Variants in RIT1 observed in about 807,000 individuals in gnomAD.
RIT1 encodes Ras like without CAAX 1.
A neutral mutation model predicts 25.6 loss-of-function variants in RIT1; 6 were observed. The observed-to-expected ratio is 0.23, with a 90% CI of 0.13 to 0.46. RIT1 has a LOEUF of 0.46. Ranked by LOEUF, RIT1 falls within the 20% of genes least tolerant of loss-of-function variation. The pLI is 0.99. For missense variants in RIT1, 219 were observed against 284.4 expected (o/e 0.77, Z 1.65); for synonymous variants, 81 against 94.1 (o/e 0.86, Z 0.80).
chr1:155,903,563 T>C (rs921450557), intron 5 of RIT1, among the ~76,000 whole-genome samples: 8 of 152,270 alleles, frequency 5.3e-5, no homozygotes, highest in African/African-American at 1.7e-4. Context: ...CATCTAATTA[T>C]GGATATGCCA....
At chr1:155,907,240 CTTTTT>C (rs773275927) in intron 3 of RIT1, among the ~76,000 whole-genome samples, 1 of 139,072 alleles carries the variant, frequency 7.2e-6, no homozygotes, top group Non-Finnish European at 1.6e-5. Flanking sequence ...CATTCATATG[CTTTTT>C]TTTTTTTTTT....
intron 5 of RIT1, among the ~76,000 whole-genome samples, chr1:155,902,001 G>A (rs957059654): frequency 2.6e-5 from 4 of 152,064 alleles, no homozygotes; most frequent in South Asian, 2.1e-4. Flanking sequence ...ACTGATCACC[G>A]GGATTGCAAA....
rs139279681 is a variant in RIT1 at position 155,898,492 on chromosome 1, TAAAAAAAAAAAAAAAA to T, written c.*1880_*1895del. On this transcript the variant is annotated 3_prime_UTR_variant, in exon 6 of 6. Coordinates refer to ENST00000368323, the MANE Select transcript of RIT1 (RefSeq NM_006912.6). Reference sequence around the variant, plus strand: ...AACATAGTGAAACCTCATCTCTATTTAAAAAAAAAAAAAAAAAAAAAAAAAAATATATATATATATA... The same window carrying T: ...AACATAGTGAAACCTCATCTCTATTTAAAAAAAAAAATATATATATATATA... 2.9e-4 allele frequency: 10 copies of T among 34,318 alleles called. No homozygotes were observed. The highest frequency in any genetic ancestry group is 8.3e-4 in the African/African-American group (9 of 10,814). The allele number at this position is 34,318 out of a possible 1,614,324, so 2.1% of individuals were successfully genotyped here.
intron 3 of RIT1, among the ~76,000 whole-genome samples, chr1:155,906,254 G>T (rs1673437132): frequency 1.3e-5 from 2 of 151,944 alleles, no homozygotes; most frequent in South Asian, 4.1e-4. Context: ...AAAAAGCCAC[G>T]CAATATTTCA....
chr1:155,900,223 T>C lies in RIT1; in HGVS notation c.*165A>G. 3.3e-6 allele frequency: 2 copies of C among 606,654 alleles called. No individual in the cohort carries two copies. 37.6% of individuals were successfully genotyped at this position (606,654 alleles called of 1,614,324 possible). A position where few individuals can be genotyped will look rare whatever the true frequency, so the allele number is the denominator to read the frequency against. ...CTCCACTGGGTTAATAAATCATACT[T>C]AACTAAGAGACAATACTTTAAATAC... is the stretch of plus-strand genomic sequence containing the variant. On this transcript the variant is annotated 3_prime_UTR_variant, in exon 6 of 6. Coordinates refer to ENST00000368323, the MANE Select transcript of RIT1 (RefSeq NM_006912.6).
At chr1:155,906,843 C>T (rs116368781) in intron 3 of RIT1, among the ~76,000 whole-genome samples, 6 of 150,770 alleles carry the variant, frequency 4.0e-5, no homozygotes, top group Admixed American at 2.0e-4. Flanking sequence ...GTGGCTCTCA[C>T]GCCTGTAATC....
At chr1:155,904,596 C>T (rs1281003433) in intron 4 of RIT1, 94 bp from the exon 5 acceptor site, 20 of 1,267,412 alleles carry the variant, frequency 1.6e-5, no homozygotes, top group East Asian at 7.1e-5. Flanking sequence ...AAACGCATGT[C>T]GATTACCTGC....
At chr1:155,901,541 G>C (rs565107424) in intron 5 of RIT1, among the ~76,000 whole-genome samples, 1 of 152,112 alleles carries the variant, frequency 6.6e-6, no homozygotes, top group Non-Finnish European at 1.5e-5. Flanking sequence ...GTGAGGCTGA[G>C]GCAGGAGAAT....
In RIT1 at chr1:155,898,897, A is replaced by G. The variant is rs1478682362; in HGVS notation, c.*1491T>C. The G allele has an allele frequency of 4.8e-6, 1 of 206,220 alleles. No homozygotes were observed. Among genetic ancestry groups the G allele is most frequent in the Non-Finnish European group, 9.9e-6 (1 of 100,846 alleles). 12.8% of individuals were successfully genotyped at this position (206,220 alleles called of 1,614,324 possible). On this transcript the variant is annotated 3_prime_UTR_variant, in exon 6 of 6. Transcript: ENST00000368323. ...GTTTATCATTTGTTTATAAAGAAAA[A>G]CACAACTCTGTCCTACTTCCTCTAA...
At chr1:155,901,594 C>T (rs554966697) in intron 5 of RIT1, among the ~76,000 whole-genome samples, 4 of 152,026 alleles carry the variant, frequency 2.6e-5, no homozygotes, top group African/African-American at 4.8e-5. Flanking sequence ...GCCAAGATCG[C>T]GGCACTGCAC....
At chr1:155,902,361 CAAA>C (rs199556134) in intron 5 of RIT1, among the ~76,000 whole-genome samples, 1 of 137,854 alleles carries the variant, frequency 7.3e-6, no homozygotes, top group Non-Finnish European at 1.6e-5. Flanking sequence ...GCTTTTATAT[CAAA>C]AAAAAAAAAA....
intron 3 of RIT1, among the ~76,000 whole-genome samples, chr1:155,909,321 T>C (rs1673529785): frequency 6.6e-6 from 1 of 151,344 alleles, no homozygotes. Context: ...GAGCTTGTAG[T>C]GAGCCGAGAT....
chr1:155,910,936 C>T, intron 1 of RIT1, 132 bp from the exon 2 acceptor site: 2 of 1,540,046 alleles, frequency 1.3e-6, no homozygotes, highest in Non-Finnish European at 1.7e-6. Flanking sequence ...TTGCTCACCA[C>T]TGCACCCTTT....
intron 3 of RIT1, 87 bp downstream of exon 3, chr1:155,910,363 C>G: frequency 1.7e-6 from 2 of 1,207,360 alleles, no homozygotes. Context: ...AAAAAAGCCT[C>G]AAAATATAAA....
chr1:155,897,880 C>CT lies in RIT1; in HGVS notation c.*2507dup, dbSNP rs1191742202. ...AGTGCATTAAAAAAATTATCCCCCCCTCCTCCTCCCCAAACATCACAGTAG... is the reference window on the plus strand; with the variant it reads ...AGTGCATTAAAAAAATTATCCCCCCCTTCCTCCTCCCCAAACATCACAGTAG... On this transcript the variant is annotated 3_prime_UTR_variant, in exon 6 of 6. Coordinates refer to ENST00000368323, the MANE Select transcript of RIT1 (RefSeq NM_006912.6). 1 of 152,182 alleles carries CT rather than the reference C, an allele frequency of 6.6e-6. No homozygotes were observed. Among genetic ancestry groups the CT allele is most frequent in the Non-Finnish European group, 1.5e-5 (1 of 68,014 alleles). 9.4% of individuals were successfully genotyped at this position (152,182 alleles called of 1,614,324 possible). A position where few individuals can be genotyped will look rare whatever the true frequency, so the allele number is the denominator to read the frequency against.
intron 3 of RIT1, among the ~76,000 whole-genome samples, chr1:155,907,236 T>C (rs1673463316): frequency 6.6e-6 from 1 of 150,950 alleles, no homozygotes; most frequent in African/African-American, 2.4e-5. Flanking sequence ...CACACATTCA[T>C]ATGCTTTTTT....
chr1:155,910,371 A>G (rs924312407), intron 3 of RIT1, 79 bp downstream of exon 3: 27 of 1,249,414 alleles, frequency 2.2e-5, no homozygotes, highest in Middle Eastern at 1.9e-4. Context: ...CTCAAAATAT[A>G]AATAGTTAGA....
chr1:155,910,202 A>G (rs568785728), intron 3 of RIT1: 22 of 493,094 alleles, frequency 4.5e-5, no homozygotes, highest in Non-Finnish European at 6.5e-5. Flanking sequence ...CAACCATAAA[A>G]AAATACAACA....
rs139030958 is a variant in RIT1 at position 155,904,133 on chromosome 1, A to C, written c.429+178T>G. Among the ~76,000 whole-genome samples, 737 of 152,220 alleles carry C rather than the reference A, an allele frequency of 4.8e-3. 6 individuals are homozygous for C. The highest frequency in any genetic ancestry group is 0.017 in the African/African-American group (718 of 41,526). ...TGCTCAGGCTGGTCTCAAACTCCTGACCTTAAGCAACCTGCCCACCTTGGC... is the reference window on the plus strand; with the variant it reads ...TGCTCAGGCTGGTCTCAAACTCCTGCCCTTAAGCAACCTGCCCACCTTGGC... On this transcript the variant is annotated intron_variant, in intron 5 of 5. Transcript: ENST00000368323.
Sources: allele counts gnomAD v4.1 joint callset (sites outside exome capture counted in the v4.1 genomes callset), GRCh38; gene constraint gnomAD v4.1.1; transcripts MANE v1.5; gene names NCBI Gene and HGNC (gene_info 2026-07-23, HGNC 2026-07-21).